Variants in MALRD1 observed in about 807,000 individuals in gnomAD.
The protein encoded by MALRD1 is MAM and LDL receptor class A domain containing 1, also known as MAM and LDL-receptor class A domain-containing protein 1.
Under a neutral mutation model 242.1 loss-of-function variants are expected in MALRD1, and 247 were observed. That is an observed-to-expected ratio of 1.02 (90% CI 0.92 to 1.13). The LOEUF (loss-of-function observed/expected upper bound fraction) is 1.13. Among genes scored for constraint, MALRD1 ranks in the 50% most tolerant of loss-of-function variants. The probability of loss-of-function intolerance (pLI) is 0.00; values close to 1 mark genes in which losing one functional copy is unlikely to be tolerated. For missense variants in MALRD1, 2,989 were observed against 2,533.1 expected (o/e 1.18, Z -3.86); for synonymous variants, 995 against 866.6 (o/e 1.15, Z -2.60).
intron 32 of MALRD1, among the ~76,000 whole-genome samples, chr10:19,549,202 A>G (rs1339509126): frequency 6.6e-6 from 1 of 152,206 alleles, no homozygotes; most frequent in African/African-American, 2.4e-5. Flanking sequence ...TGGTTAGTTC[A>G]TGAGGTTTAA....
intron 8 of MALRD1, among the ~76,000 whole-genome samples, chr10:19,130,971 A>C (rs1038657855): frequency 3.3e-5 from 5 of 152,158 alleles, no homozygotes. Context: ...GAAATGATCT[A>C]GTGTATTAAC....
At chr10:19,498,425 G>C in intron 30 of MALRD1, 60 bp from the exon 31 acceptor site, 7 of 1,418,374 alleles carry the variant, frequency 4.9e-6, no homozygotes, top group Non-Finnish European at 6.7e-6. Context: ...CCCAAATATA[G>C]GGTAGTAGCA....
chr10:19,322,430 C>A (rs528501305), intron 21 of MALRD1, among the ~76,000 whole-genome samples: 183 of 152,124 alleles, frequency 1.2e-3, no homozygotes, highest in African/African-American at 4.2e-3. Flanking sequence ...TATATATAAC[C>A]ACAAATTACA....
At chr10:19,589,174 C>A (rs1171215231) in intron 33 of MALRD1, among the ~76,000 whole-genome samples, 1 of 151,478 alleles carries the variant, frequency 6.6e-6, no homozygotes, top group Non-Finnish European at 1.5e-5. Flanking sequence ...GGATATTGGT[C>A]CAAGATAGAT....
Position 19,101,456 on chromosome 10 carries a change from T to G in MALRD1, c.598-2523T>G, listed in dbSNP as rs190296589. On this transcript the variant is annotated intron_variant, in intron 4 of 39. Coordinates refer to ENST00000454679, the MANE Select transcript of MALRD1 (RefSeq NM_001142308.3). ...AATATAATAATTACATATTATATAATTTATATAATATAATTAATACTTGTA... is the reference window on the plus strand; with the variant it reads ...AATATAATAATTACATATTATATAAGTTATATAATATAATTAATACTTGTA... Among the ~76,000 whole-genome samples the G allele has an allele frequency of 3.7e-4, 52 of 140,432 alleles. 1 individual carries two copies. The highest frequency in any genetic ancestry group is 0.011 in the Middle Eastern group (2 of 190). The allele number at this position is 140,432 out of a possible 152,430, so 92.1% of individuals were successfully genotyped here.
chr10:19,414,436 T>C (rs1332321503), intron 28 of MALRD1, among the ~76,000 whole-genome samples: 1 of 152,186 alleles, frequency 6.6e-6, no homozygotes, highest in African/African-American at 2.4e-5. Flanking sequence ...GTTTTTTATT[T>C]GAGTTATTGG....
At chr10:19,210,587 T>G (rs893441016) in intron 18 of MALRD1, among the ~76,000 whole-genome samples, 2 of 152,244 alleles carry the variant, frequency 1.3e-5, no homozygotes, top group Admixed American at 1.3e-4. Context: ...AAACTTTTTT[T>G]GCATGTACTC....
At chr10:19,361,493 C>T (rs562969945) in intron 26 of MALRD1, among the ~76,000 whole-genome samples, 1 of 152,242 alleles carries the variant, frequency 6.6e-6, no homozygotes, top group Non-Finnish European at 1.5e-5. Flanking sequence ...CTTTTCACTG[C>T]TATCTTGTGG....
chr10:19,445,648 C>T (rs1169440437), intron 28 of MALRD1, among the ~76,000 whole-genome samples: 2 of 152,202 alleles, frequency 1.3e-5, no homozygotes, highest in Non-Finnish European at 2.9e-5. Flanking sequence ...ATGGTGCTGC[C>T]TGATCGTTCC....
At chr10:19,058,925 T>G (rs1424399177) in intron 1 of MALRD1, among the ~76,000 whole-genome samples, 1 of 152,166 alleles carries the variant, frequency 6.6e-6, no homozygotes, top group Non-Finnish European at 1.5e-5. Context: ...ACTCTACCTT[T>G]CTTTGTTTAG....
chr10:19,338,460 A>T (rs12357739), intron 24 of MALRD1, among the ~76,000 whole-genome samples: 2 of 146,268 alleles, frequency 1.4e-5, no homozygotes, highest in Admixed American at 6.7e-5. Context: ...TCAATTAATA[A>T]TGGATGTGAT....
chr10:19,432,356 A>T (rs1834167830), intron 28 of MALRD1, among the ~76,000 whole-genome samples: 1 of 152,210 alleles, frequency 6.6e-6, no homozygotes, highest in Non-Finnish European at 1.5e-5. Flanking sequence ...ACATTTGTGC[A>T]ATTTAGTTAT....
At chr10:19,138,172 C>A (rs1833416552) in intron 10 of MALRD1, among the ~76,000 whole-genome samples, 1 of 101,860 alleles carries the variant, frequency 9.8e-6, no homozygotes, top group African/African-American at 3.8e-5. Context: ...CAGCTTTAAA[C>A]CAAGTAATCG....
At chr10:19,276,657 CCT>C (rs1222757371) in intron 19 of MALRD1, among the ~76,000 whole-genome samples, 1 of 152,012 alleles carries the variant, frequency 6.6e-6, no homozygotes, top group African/African-American at 2.4e-5. Flanking sequence ...AAAATGATTC[CCT>C]TTTTAATTTT....
intron 14 of MALRD1, among the ~76,000 whole-genome samples, chr10:19,189,074 AAGAG>A (rs1835863831): frequency 6.6e-6 from 1 of 151,992 alleles, no homozygotes; most frequent in Non-Finnish European, 1.5e-5. Context: ...GGGAGAGACA[AAGAG>A]AGAGAGAAGA....
At chr10:19,582,450 G>A (rs1264105344) in intron 33 of MALRD1, among the ~76,000 whole-genome samples, 1 of 143,906 alleles carries the variant, frequency 6.9e-6, no homozygotes, top group Admixed American at 7.0e-5. Context: ...TGGCTAGCCA[G>A]TTTTCCCAGC....
chr10:19,137,607 GAAAAAAAAA>G (rs34768480), intron 10 of MALRD1, among the ~76,000 whole-genome samples: 3 of 84,448 alleles, frequency 3.6e-5, no homozygotes, highest in Admixed American at 1.5e-4. Context: ...GACTCCGTCT[GAAAAAAAAA>G]AAAAAAAAAA....
intron 28 of MALRD1, among the ~76,000 whole-genome samples, chr10:19,413,660 G>T (rs1022819867): frequency 1.3e-5 from 2 of 151,632 alleles, no homozygotes; most frequent in East Asian, 1.9e-4. Context: ...TTGTTTTTCT[G>T]CACTGCCACA....
intron 14 of MALRD1, among the ~76,000 whole-genome samples, chr10:19,199,020 T>C (rs959782894): frequency 5.9e-5 from 9 of 152,138 alleles, no homozygotes; most frequent in Admixed American, 3.9e-4. Context: ...TGTTCCAAAA[T>C]AGAGAATAGA....
Sources: gnomAD v4.1 joint callset for allele counts (sites outside exome capture counted in the v4.1 genomes callset) on GRCh38, gnomAD v4.1.1 for gene constraint, MANE v1.5 for transcripts, NCBI Gene and HGNC (gene_info 2026-07-23, HGNC 2026-07-21) for gene names.